The following RPS6KA5 variants were observed in gnomAD, a reference collection of about 807,000 sequenced individuals.
The protein encoded by RPS6KA5 is ribosomal protein S6 kinase A5, also known as ribosomal protein S6 kinase alpha-5.
Under a neutral mutation model 85.5 loss-of-function variants are expected in RPS6KA5, and 27 were observed. That is an observed-to-expected ratio of 0.32 (90% confidence interval 0.23 to 0.44). The LOEUF (loss-of-function observed/expected upper bound fraction) is 0.44. RPS6KA5 is among the 20% of genes least tolerant of loss of function. RPS6KA5 has a pLI of 1.00. For missense variants in RPS6KA5, 811 were observed against 980.9 expected (o/e 0.83, Z 2.31); for synonymous variants, 334 against 348.2 (o/e 0.96, Z 0.46).
At chr14:91,000,569 G>A (rs1489116672) in intron 2 of RPS6KA5, among the ~76,000 whole-genome samples, 1 of 152,134 alleles carries the variant, frequency 6.6e-6, no homozygotes, top group African/African-American at 2.4e-5. Flanking sequence ...GGCAGAAGAG[G>A]GCGGATTACT....
intron 3 of RPS6KA5, among the ~76,000 whole-genome samples, chr14:90,959,148 A>T (rs2038672041): frequency 6.6e-6 from 1 of 152,098 alleles, no homozygotes; most frequent in South Asian, 2.1e-4. Flanking sequence ...TAACTGAATT[A>T]GGGGGGTGGG....
intron 2 of RPS6KA5, among the ~76,000 whole-genome samples, chr14:90,982,173 A>C (rs1402888706): frequency 6.6e-6 from 1 of 152,250 alleles, no homozygotes; most frequent in Non-Finnish European, 1.5e-5. Flanking sequence ...CTGCAAGTGC[A>C]GCCAACTCCT....
chr14:91,025,387 T>A (rs1050181597), intron 1 of RPS6KA5, among the ~76,000 whole-genome samples: 1 of 152,174 alleles, frequency 6.6e-6, no homozygotes, highest in African/African-American at 2.4e-5. Context: ...TTCTCCACTA[T>A]TCCATACCCA....
intron 3 of RPS6KA5, among the ~76,000 whole-genome samples, chr14:90,971,587 T>C (rs1367601375): frequency 6.6e-6 from 1 of 152,172 alleles, no homozygotes; most frequent in African/African-American, 2.4e-5. Flanking sequence ...AAAAGCAAAA[T>C]GTCACAGGTA....
At chr14:90,950,498 A>AC (rs1310441356) in intron 3 of RPS6KA5, among the ~76,000 whole-genome samples, 2 of 152,202 alleles carry the variant, frequency 1.3e-5, no homozygotes, top group Admixed American at 1.3e-4. Context: ...TCAGTCTTTA[A>AC]CCATTAAGCA....
At chr14:90,954,979 C>CT (rs927851443) in intron 3 of RPS6KA5, among the ~76,000 whole-genome samples, 5 of 152,072 alleles carry the variant, frequency 3.3e-5, no homozygotes, top group African/African-American at 1.2e-4. Context: ...TTTGAGTCTT[C>CT]TTTTTTCCTG....
At chr14:91,037,293 T>C (rs2139870322) in intron 1 of RPS6KA5, among the ~76,000 whole-genome samples, 1 of 152,336 alleles carries the variant, frequency 6.6e-6, no homozygotes, top group Non-Finnish European at 1.5e-5. Flanking sequence ...TCATCTTTCT[T>C]GCCCCATGAC....
At chr14:91,035,815 C>A (rs1431102780) in intron 1 of RPS6KA5, among the ~76,000 whole-genome samples, 8 of 103,026 alleles carry the variant, frequency 7.8e-5, no homozygotes, top group South Asian at 3.3e-4. Context: ...AGATGCTAAT[C>A]AAAGCATTTC....
At chr14:91,050,990 G>A (rs2043054555) in intron 1 of RPS6KA5, among the ~76,000 whole-genome samples, 1 of 152,092 alleles carries the variant, frequency 6.6e-6, no homozygotes, top group Non-Finnish European at 1.5e-5. Context: ...CCATTTGGGA[G>A]GTCGAGGCAG....
Position 90,873,729 on chromosome 14 carries a change from T to C in RPS6KA5, c.2063A>G (p.Gln688Arg). 1 of 1,614,158 alleles carries C rather than the reference T, an allele frequency of 6.2e-7. No homozygotes were observed. Among genetic ancestry groups the C allele is most frequent in the South Asian group, 1.1e-5 (1 of 91,084 alleles). Residue 688 changes from glutamine to arginine, a missense_variant, in exon 16 of 17, where the codon CAA becomes CGA. Transcript: ENST00000614987. ...ATTGGAGGACAGCTGACTTCCATCT[T>C]GTAGCCATTCATTGTACCTCAAGCC... ...MSGLRYNEWLQDGSQLSSNPL... is the reference protein window; with the variant it reads ...MSGLRYNEWLRDGSQLSSNPL...
chr14:90,908,037 C>T (rs561550868), intron 7 of RPS6KA5, among the ~76,000 whole-genome samples: 52 of 152,338 alleles, frequency 3.4e-4, no homozygotes, highest in African/African-American at 1.2e-3. Context: ...ACTGACTCTG[C>T]ACCATCTTAT....
chr14:90,998,402 C>T (rs759965164), intron 2 of RPS6KA5, among the ~76,000 whole-genome samples: 7 of 152,104 alleles, frequency 4.6e-5, no homozygotes, highest in Non-Finnish European at 7.4e-5. Flanking sequence ...ACCAAGAAAG[C>T]CACATACAGA....
rs1039726421 is a variant in RPS6KA5 at position 91,008,976 on chromosome 14, A to T, written c.104-7817T>A. Among the ~76,000 whole-genome samples the T allele has an allele frequency of 4.6e-5, 7 of 152,260 alleles. No individual in the cohort carries two copies. The South Asian group carries it at 6.2e-4, about 14-fold the overall frequency. The stretch of plus-strand genomic sequence containing the variant: ...AGAGGAAAGAGTGAACCCAAGAATC[A>T]CTGTAATGCTCAGTTTAAGAAACAT... On this transcript the variant is annotated intron_variant, in intron 1 of 16. Transcript: ENST00000614987.
intron 3 of RPS6KA5, among the ~76,000 whole-genome samples, chr14:90,959,773 C>A (rs1056640151): frequency 6.6e-6 from 1 of 152,110 alleles, no homozygotes; most frequent in Non-Finnish European, 1.5e-5. Flanking sequence ...TATATGTAGG[C>A]CTACATGCAT....
chr14:90,930,163 C>T (rs1012313432), intron 5 of RPS6KA5, among the ~76,000 whole-genome samples: 5 of 152,196 alleles, frequency 3.3e-5, no homozygotes, highest in Non-Finnish European at 5.9e-5. Flanking sequence ...TGAGCCACCA[C>T]GCCCGGCCAG....
intron 5 of RPS6KA5, among the ~76,000 whole-genome samples, chr14:90,942,086 A>G (rs1356953411): frequency 1.3e-5 from 2 of 152,352 alleles, no homozygotes; most frequent in South Asian, 2.1e-4. Context: ...TGTATTGTCC[A>G]GTACCCAGCA....
At chr14:91,006,134 C>T (rs2041009641) in intron 1 of RPS6KA5, among the ~76,000 whole-genome samples, 1 of 152,190 alleles carries the variant, frequency 6.6e-6, no homozygotes, top group African/African-American at 2.4e-5. Context: ...GTGACTAATT[C>T]ATTTATTCAA....
rs1396068577 is a variant in RPS6KA5 at position 90,863,342 on chromosome 14, A to T, written c.*8732T>A. 1.4e-5 allele frequency: 2 copies of T among 147,038 alleles called. No homozygotes were observed. Among genetic ancestry groups the T allele is most frequent in the African/African-American group, 4.9e-5 (2 of 40,762 alleles). 9.1% of individuals were successfully genotyped at this position (147,038 alleles called of 1,614,324 possible). A position where few individuals can be genotyped will look rare whatever the true frequency, so the allele number is the denominator to read the frequency against. ...AAAAAAAAAAAAAAGAAAAGAAAAGAAAAAAATATATATATATAGAATAGA... is the reference window on the plus strand; with the variant it reads ...AAAAAAAAAAAAAAGAAAAGAAAAGTAAAAAATATATATATATAGAATAGA... On this transcript the variant is annotated 3_prime_UTR_variant, in exon 17 of 17. Transcript: ENST00000614987.
intron 3 of RPS6KA5, among the ~76,000 whole-genome samples, chr14:90,974,812 T>C (rs1256874691): frequency 6.6e-6 from 1 of 152,218 alleles, no homozygotes; most frequent in Non-Finnish European, 1.5e-5. Flanking sequence ...AGAGAACTGC[T>C]CAGCCAACCC....
Sources: gnomAD v4.1 joint callset for allele counts (sites outside exome capture counted in the v4.1 genomes callset) on GRCh38, gnomAD v4.1.1 for gene constraint, MANE v1.5 for transcripts, NCBI Gene and HGNC (gene_info 2026-07-23, HGNC 2026-07-21) for gene names.